The following USH2A variants were observed in gnomAD, a reference collection of about 807,000 sequenced individuals.
The protein encoded by USH2A is Usher syndrome 2A (autosomal recessive, mild).
USH2A carries 443 observed loss-of-function variants against 538.9 expected under a neutral mutation model. The observed-to-expected ratio is 0.82, with a 90% CI of 0.76 to 0.89. USH2A has a LOEUF of 0.89. Among genes scored for constraint, USH2A ranks in the 40% least tolerant of loss-of-function variants. USH2A has a pLI of 0.00. For missense variants in USH2A, 6,633 were observed against 6,324.8 expected, an observed-to-expected ratio of 1.05 and a Z score of -1.65; for synonymous variants, 2,413 against 2,273.5, an observed-to-expected ratio of 1.06 and a Z score of -1.75.
At chr1:215,671,891 C>T (rs994328334) in intron 63 of USH2A, among the ~76,000 whole-genome samples, 15 of 152,192 alleles carry the variant, frequency 9.9e-5, no homozygotes, top group South Asian at 8.3e-4. Flanking sequence ...CATGGAATTA[C>T]GGTCTCAGTG....
At chr1:215,884,473 T>C (rs931736825) in intron 41 of USH2A, among the ~76,000 whole-genome samples, 1 of 152,176 alleles carries the variant, frequency 6.6e-6, no homozygotes, top group African/African-American at 2.4e-5. Flanking sequence ...CTCTTACTCC[T>C]TATGTAATCT....
chr1:216,214,074 T>C (rs1399514438), intron 15 of USH2A, among the ~76,000 whole-genome samples: 2 of 152,070 alleles, frequency 1.3e-5, no homozygotes, highest in Non-Finnish European at 2.9e-5. Flanking sequence ...ATAGAGTAAC[T>C]GGATCTCTTA....
At chr1:216,379,875 T>G (rs2038899304) in intron 3 of USH2A, among the ~76,000 whole-genome samples, 1 of 152,118 alleles carries the variant, frequency 6.6e-6, no homozygotes, top group African/African-American at 2.4e-5. Context: ...GAATATATAT[T>G]TTAAAGGACA....
At chr1:216,402,969 A>G (rs1227610130) in intron 3 of USH2A, among the ~76,000 whole-genome samples, 1 of 152,206 alleles carries the variant, frequency 6.6e-6, no homozygotes, top group African/African-American at 2.4e-5. Context: ...TATATGAGAA[A>G]AGAGGAAGGA....
intron 37 of USH2A, among the ~76,000 whole-genome samples, chr1:215,965,008 TCA>T (rs1258663750): frequency 6.6e-6 from 1 of 152,162 alleles, no homozygotes; most frequent in East Asian, 1.9e-4. Context: ...TCAGCATGTG[TCA>T]CCTAAAGGGT....
intron 3 of USH2A, among the ~76,000 whole-genome samples, chr1:216,377,821 AAGAAAGAAAG>A (rs2038855640): frequency 3.1e-4 from 14 of 44,458 alleles, no homozygotes; most frequent in Non-Finnish European, 6.3e-4. Flanking sequence ...GAAAGAAAGA[AAGAAAGAAAG>A]AAAGAAAGAA....
intron 11 of USH2A, among the ~76,000 whole-genome samples, chr1:216,266,328 A>G (rs1423710035): frequency 6.6e-6 from 1 of 152,152 alleles, no homozygotes; most frequent in African/African-American, 2.4e-5. Context: ...CCAGAGACCA[A>G]TAAAATAAGT....
chr1:215,815,497 A>C (rs2102795021), intron 48 of USH2A, among the ~76,000 whole-genome samples: 1 of 151,924 alleles, frequency 6.6e-6, no homozygotes, highest in East Asian at 1.9e-4. Flanking sequence ...CACTGAATTT[A>C]GGAATGTTAC....
At chr1:215,700,761 C>G (rs530580804) in intron 61 of USH2A, among the ~76,000 whole-genome samples, 2 of 152,170 alleles carry the variant, frequency 1.3e-5, no homozygotes, top group Admixed American at 1.3e-4. Flanking sequence ...AAATCCAGCT[C>G]CTGGATTTAT....
intron 4 of USH2A, among the ~76,000 whole-genome samples, chr1:216,356,620 C>T (rs565079370): frequency 7.6e-4 from 115 of 151,910 alleles, no homozygotes; most frequent in African/African-American, 2.7e-3. Flanking sequence ...CATCATGAAC[C>T]CATTGCCATG....
chr1:216,290,773 C>A (rs181574618), intron 10 of USH2A, among the ~76,000 whole-genome samples: 2 of 152,040 alleles, frequency 1.3e-5, no homozygotes, highest in Non-Finnish European at 2.9e-5. Flanking sequence ...GCCATCTCCT[C>A]CCTCATCTCA....
intron 32 of USH2A, among the ~76,000 whole-genome samples, chr1:216,043,463 A>G (rs948409309): frequency 6.6e-6 from 1 of 152,112 alleles, no homozygotes; most frequent in African/African-American, 2.4e-5. Context: ...TTGGAGATAT[A>G]TTCTTTAAAA....
chr1:215,809,119 C>T (rs1662585135), intron 49 of USH2A, among the ~76,000 whole-genome samples: 1 of 152,144 alleles, frequency 6.6e-6, no homozygotes, highest in Admixed American at 6.6e-5. Flanking sequence ...AGTAAAGTTA[C>T]TGTATTTGTT....
intron 11 of USH2A, among the ~76,000 whole-genome samples, chr1:216,252,845 G>T (rs2036189394): frequency 6.6e-6 from 1 of 152,114 alleles, no homozygotes; most frequent in Non-Finnish European, 1.5e-5. Context: ...ATTTATTGGT[G>T]GATATGTGTA....
intron 9 of USH2A, among the ~76,000 whole-genome samples, chr1:216,308,627 T>G (rs1043245347): frequency 6.6e-6 from 1 of 152,200 alleles, no homozygotes; most frequent in African/African-American, 2.4e-5. Flanking sequence ...TTTCTTTTTA[T>G]AAAAAGACAT....
At chr1:216,168,779 G>A (rs1207558567) in intron 21 of USH2A, among the ~76,000 whole-genome samples, 1 of 152,058 alleles carries the variant, frequency 6.6e-6, no homozygotes, top group Non-Finnish European at 1.5e-5. Context: ...TCATGAAATA[G>A]CTATCACCAC....
chr1:216,178,416 A>T (rs2034432900), intron 20 of USH2A, among the ~76,000 whole-genome samples: 1 of 152,192 alleles, frequency 6.6e-6, no homozygotes, highest in South Asian at 2.1e-4. Context: ...AGGCTAAGCC[A>T]TTCAGAAATT....
intron 58 of USH2A, among the ~76,000 whole-genome samples, chr1:215,757,633 A>C (rs1470356970): frequency 6.6e-6 from 1 of 152,222 alleles, no homozygotes; most frequent in African/African-American, 2.4e-5. Flanking sequence ...TTACTTGGAA[A>C]GAAAAGTCCT....
chr1:216,081,940 TAACA>T (rs1188563902), intron 26 of USH2A, among the ~76,000 whole-genome samples: 8 of 151,862 alleles, frequency 5.3e-5, no homozygotes, highest in Non-Finnish European at 1.5e-5. Flanking sequence ...TACTTAAAGT[TAACA>T]GTATTATTTA....
Sources: allele counts gnomAD v4.1 joint callset (sites outside exome capture counted in the v4.1 genomes callset), GRCh38; gene constraint gnomAD v4.1.1; transcripts MANE v1.5; gene names NCBI Gene and HGNC (gene_info 2026-07-23, HGNC 2026-07-21).